Variants in BRAF observed in about 807,000 individuals in gnomAD.
BRAF encodes serine/threonine-protein kinase B-raf.
In BRAF, 16 loss-of-function variants were observed where a neutral mutation model predicts 104.6. The observed-to-expected ratio is 0.15, with a 90% CI of 0.10 to 0.23. The LOEUF is 0.23. Among genes scored for constraint, BRAF ranks in the 10% least tolerant of loss-of-function variants. BRAF has a pLI of 1.00. For missense variants in BRAF, 541 were observed against 937.3 expected (o/e 0.58, Z 5.52); for synonymous variants, 310 against 341.6 (o/e 0.91, Z 1.02).
intron 8 of BRAF, among the ~76,000 whole-genome samples, chr7:140,793,793 T>C (rs1802238825): frequency 6.6e-6 from 1 of 152,082 alleles, no homozygotes; most frequent in Non-Finnish European, 1.5e-5. Context: ...GCATGGCTAA[T>C]TTGTTTTACT....
At chr7:140,855,441 CCTT>C (rs893643539) in intron 1 of BRAF, among the ~76,000 whole-genome samples, 10 of 151,914 alleles carry the variant, frequency 6.6e-5, no homozygotes, top group East Asian at 1.9e-4. Flanking sequence ...TGGCAAAACT[CCTT>C]CTCCAAAAAA....
chr7:140,793,551 T>C (rs56306802), intron 8 of BRAF, among the ~76,000 whole-genome samples: 8,906 of 152,208 alleles, frequency 0.059, 502 homozygotes, highest in South Asian at 0.19. Context: ...GTTTCAATTA[T>C]ATGCTAATTT....
At chr7:140,854,903 C>T (rs1037351462) in intron 1 of BRAF, among the ~76,000 whole-genome samples, 2 of 152,074 alleles carry the variant, frequency 1.3e-5, no homozygotes, top group African/African-American at 4.8e-5. Context: ...CGAGACTGCG[C>T]CACTGCACTC....
intron 3 of BRAF, among the ~76,000 whole-genome samples, chr7:140,811,979 G>A (rs1804319574): frequency 6.6e-6 from 1 of 152,126 alleles, no homozygotes; most frequent in African/African-American, 2.4e-5. Flanking sequence ...CTATACTAAT[G>A]CCAAAATTTC....
intron 3 of BRAF, among the ~76,000 whole-genome samples, chr7:140,819,470 G>C (rs375594876): frequency 1.3e-5 from 2 of 152,310 alleles, no homozygotes; most frequent in South Asian, 4.1e-4. Context: ...CATTCTGCCA[G>C]TCTCTTAAAA....
At chr7:140,760,204 G>C (rs532265416) in intron 14 of BRAF, among the ~76,000 whole-genome samples, 3 of 152,248 alleles carry the variant, frequency 2.0e-5, no homozygotes, top group Admixed American at 2.0e-4. Flanking sequence ...CTTGAGGTCA[G>C]GAGTTCCAGA....
intron 8 of BRAF, among the ~76,000 whole-genome samples, chr7:140,787,799 T>C (rs1351090848): frequency 1.3e-5 from 2 of 152,174 alleles, no homozygotes; most frequent in African/African-American, 2.4e-5. Flanking sequence ...AATGAAACAA[T>C]TATTAGTCCT....
chr7:140,776,502 A>C (rs1000002951), intron 14 of BRAF, among the ~76,000 whole-genome samples: 6 of 152,208 alleles, frequency 3.9e-5, no homozygotes, highest in Non-Finnish European at 7.3e-5. Context: ...TTTCACTTTA[A>C]CTTTATTAAC....
At chr7:140,799,945 T>C in intron 7 of BRAF, 1 of 369,274 alleles carries the variant, frequency 2.7e-6, no homozygotes, top group Non-Finnish European at 5.0e-6. Flanking sequence ...TGAAATAGTC[T>C]ATGTCAGCTT....
At chr7:140,905,843 C>T (rs1461722064) in intron 1 of BRAF, among the ~76,000 whole-genome samples, 1 of 151,916 alleles carries the variant, frequency 6.6e-6, no homozygotes, top group Non-Finnish European at 1.5e-5. Context: ...AATCCCAGCA[C>T]TTTGGGAGGC....
chr7:140,714,074 G>T, the BRAF span, among the ~76,000 whole-genome samples: 1 of 152,190 alleles, frequency 6.6e-6, no homozygotes, highest in Non-Finnish European at 1.5e-5. Context: ...TGAGGAGGCA[G>T]TCTGCCCGTT....
chr7:140,868,924 C>T (rs1290641782), intron 1 of BRAF, among the ~76,000 whole-genome samples: 1 of 151,954 alleles, frequency 6.6e-6, no homozygotes, highest in Non-Finnish European at 1.5e-5. Context: ...GTGTCAGATG[C>T]TAAATATATT....
downstream of BRAF, among the ~76,000 whole-genome samples, chr7:140,714,636 C>T (rs1421239532): frequency 1.3e-5 from 2 of 152,178 alleles, no homozygotes; most frequent in Non-Finnish European, 2.9e-5. Flanking sequence ...GCTGAGATTA[C>T]AGGTGTGAGC....
intron 14 of BRAF, among the ~76,000 whole-genome samples, chr7:140,763,886 C>T (rs1035082783): frequency 2.6e-5 from 4 of 152,186 alleles, no homozygotes; most frequent in African/African-American, 7.2e-5. Flanking sequence ...GAACTGGTAC[C>T]ATTCCTTCTG....
chr7:140,724,954 C>T lies in BRAF; in HGVS notation c.*1540G>A. On this transcript the variant is annotated 3_prime_UTR_variant, in exon 20 of 20. Coordinates refer to ENST00000644969, the MANE Select transcript of BRAF (RefSeq NM_001374258.1). ...AACTAGGTTATATTTTCCATTTGTG[C>T]AAAGATAAGATTTAGGTTCTTAATG... 1 of 1,042,216 alleles carries T rather than the reference C, an allele frequency of 9.6e-7. No homozygotes were observed. The highest frequency in any genetic ancestry group is 1.2e-6 in the Non-Finnish European group (1 of 864,728). 64.6% of individuals were successfully genotyped at this position (1,042,216 alleles called of 1,614,324 possible).
chr7:140,915,132 T>C (rs1350854723), intron 1 of BRAF, among the ~76,000 whole-genome samples: 2 of 150,380 alleles, frequency 1.3e-5, no homozygotes, highest in Non-Finnish European at 2.9e-5. Context: ...CCTTTAATAT[T>C]AAAAATACAT....
At chr7:140,746,101 C>T (rs112336805) in intron 17 of BRAF, among the ~76,000 whole-genome samples, 171 of 152,204 alleles carry the variant, frequency 1.1e-3, no homozygotes, top group Middle Eastern at 3.4e-3. Context: ...CAGAGAAAAG[C>T]CCAACCTACA....
chr7:140,862,444 T>C (rs948296955), intron 1 of BRAF, among the ~76,000 whole-genome samples: 19 of 152,008 alleles, frequency 1.2e-4, no homozygotes, highest in African/African-American at 4.3e-4. Context: ...ATGAAGAAAA[T>C]AGAATAAATA....
chr7:140,843,787 C>T (rs1036480623), intron 2 of BRAF, among the ~76,000 whole-genome samples: 4 of 151,996 alleles, frequency 2.6e-5, no homozygotes, highest in Non-Finnish European at 5.9e-5. Context: ...GGGCGGATCA[C>T]GAGGTCAGGA....
Sources: allele counts gnomAD v4.1 joint callset (sites outside exome capture counted in the v4.1 genomes callset), GRCh38; gene constraint gnomAD v4.1.1; transcripts MANE v1.5; gene names NCBI Gene and HGNC (gene_info 2026-07-23, HGNC 2026-07-21).